Variants in MARCHF3 observed in about 807,000 individuals in gnomAD.
MARCHF3 encodes membrane associated ring-CH-type finger 3.
In MARCHF3, 13 loss-of-function variants were observed where a neutral mutation model predicts 24.2. The observed-to-expected ratio is 0.54, with a 90% CI of 0.35 to 0.85. The LOEUF is 0.85. MARCHF3 is among the 40% of genes least tolerant of loss of function. The probability of loss-of-function intolerance (pLI) is 0.01; values close to 1 mark genes in which losing one functional copy is unlikely to be tolerated. For missense variants in MARCHF3, 276 were observed against 325.0 expected (o/e 0.85, Z 1.16); for synonymous variants, 144 against 137.3 (o/e 1.05, Z -0.34).
intron 1 of MARCHF3, among the ~76,000 whole-genome samples, chr5:126,939,436 C>A (rs1749754182): frequency 6.6e-6 from 1 of 152,234 alleles, no homozygotes; most frequent in Non-Finnish European, 1.5e-5. Flanking sequence ...TTATCCCTTA[C>A]ACCTTCTTAT....
Position 126,892,757 on chromosome 5 carries a change from T to G in MARCHF3, c.394-14363A>C, listed in dbSNP as rs193004595. ...ATATTGGTCTAAAATTCTCTTTTTT[T>G]GTTATGTCTCTGCCTGGCTTTCGTA... On this transcript the variant is annotated intron_variant, in intron 3 of 4. Transcript: ENST00000308660. Among the ~76,000 whole-genome samples the G allele has an allele frequency of 1.3e-3, 198 of 149,726 alleles. 10 individuals carry two copies. Among genetic ancestry groups the G allele is most frequent in the African/African-American group, 4.8e-3 (190 of 39,572 alleles).
chr5:127,008,366 C>T (rs542343509), intron 1 of MARCHF3, among the ~76,000 whole-genome samples: 1 of 152,286 alleles, frequency 6.6e-6, no homozygotes, highest in South Asian at 2.1e-4. Flanking sequence ...ACCAAAAGTT[C>T]ACTGAGAGAC....
At chr5:127,025,863 T>C (rs950857997) in intron 1 of MARCHF3, among the ~76,000 whole-genome samples, 1 of 152,172 alleles carries the variant, frequency 6.6e-6, no homozygotes, top group Admixed American at 6.5e-5. Flanking sequence ...TTAGAGGATA[T>C]TACTAGACCC....
At chr5:126,997,158 T>C (rs1751975127) in intron 1 of MARCHF3, among the ~76,000 whole-genome samples, 1 of 152,226 alleles carries the variant, frequency 6.6e-6, no homozygotes, top group African/African-American at 2.4e-5. Context: ...AGATACCAGA[T>C]GTTAAATTTA....
At chr5:126,922,675 T>G (rs909474044) in intron 1 of MARCHF3, among the ~76,000 whole-genome samples, 2 of 152,208 alleles carry the variant, frequency 1.3e-5, no homozygotes, top group Admixed American at 1.3e-4. Flanking sequence ...GCCTCCCGAA[T>G]AGCTGGGACT....
rs1239936136 is a variant in MARCHF3 at position 126,868,593 on chromosome 5, A to G, written c.*2040T>C. 6.6e-6 allele frequency: 1 copy of G among 152,242 alleles called. No individual in the cohort carries two copies. Among genetic ancestry groups the G allele is most frequent in the East Asian group, 1.9e-4 (1 of 5,200 alleles). The allele number at this position is 152,242 out of a possible 1,614,324, so 9.4% of individuals were successfully genotyped here. The stretch of plus-strand genomic sequence containing the variant: ...AAGATGGCAGGAATTCTCTGCAGCC[A>G]ACCTTGACAGGAAATCATCCTGGAA... On this transcript the variant is annotated 3_prime_UTR_variant, in exon 5 of 5. Transcript: ENST00000308660.
rs578014428 is a variant in MARCHF3, at chr5:126,998,959, A to G, written c.-57+31391T>C. On this transcript the variant is annotated intron_variant, in intron 1 of 4. Transcript: ENST00000308660. Reference sequence around the variant, plus strand: ...TACATGCCACAAGACATTAGGAGGAAAGTATGTGTGCCAAAAATCCAGAGA... The same window carrying G: ...TACATGCCACAAGACATTAGGAGGAGAGTATGTGTGCCAAAAATCCAGAGA... 3.9e-5 allele frequency among the ~76,000 whole-genome samples: 6 copies of G among 152,342 alleles called. No individual in the cohort carries two copies. In the South Asian group the frequency reaches 1.2e-3, roughly 32 times the overall value.
chr5:126,973,945 C>A (rs1317157668), intron 1 of MARCHF3, among the ~76,000 whole-genome samples: 1 of 126,604 alleles, frequency 7.9e-6, no homozygotes, highest in Non-Finnish European at 1.5e-5. Flanking sequence ...GGCCGGACTG[C>A]GGACTGCAGT....
rs944430780 is a variant in MARCHF3, at chr5:126,907,057, G to T, written c.393+7873C>A. On this transcript the variant is annotated intron_variant, in intron 3 of 4. Coordinates refer to ENST00000308660, the MANE Select transcript of MARCHF3 (RefSeq NM_178450.5). ...GGTTTCAAAGAACATCTTTATTTCTGCCTTCATTTCGTTACGTACCCAGTA... is the reference window on the plus strand; with the variant it reads ...GGTTTCAAAGAACATCTTTATTTCTTCCTTCATTTCGTTACGTACCCAGTA... Among the ~76,000 whole-genome samples the T allele has an allele frequency of 8.3e-4, 126 of 151,978 alleles. 3 individuals are homozygous for T. The highest frequency in any genetic ancestry group is 3.0e-3 in the African/African-American group (125 of 41,328).
At chr5:126,979,865 T>C (rs904235173) in intron 1 of MARCHF3, among the ~76,000 whole-genome samples, 4 of 149,868 alleles carry the variant, frequency 2.7e-5, no homozygotes, top group Non-Finnish European at 2.9e-5. Context: ...GGAGAACCGC[T>C]TGAACCCGGG....
At chr5:127,017,974 C>T (rs1436638141) in intron 1 of MARCHF3, among the ~76,000 whole-genome samples, 1 of 152,214 alleles carries the variant, frequency 6.6e-6, no homozygotes, top group Non-Finnish European at 1.5e-5. Flanking sequence ...AACTTATTCA[C>T]TCATTTGTTC....
chr5:127,028,710 A>T lies in MARCHF3; in HGVS notation c.-57+1640T>A, dbSNP rs541317368. 2.4e-3 allele frequency among the ~76,000 whole-genome samples: 365 copies of T among 151,368 alleles called. 2 individuals carry two copies. The highest frequency in any genetic ancestry group is 8.4e-3 in the African/African-American group (345 of 41,208). On this transcript the variant is annotated intron_variant, in intron 1 of 4. Transcript: ENST00000308660. The stretch of plus-strand genomic sequence containing the variant: ...TGACAAGCACCACATTTCTGGAGGG[A>T]TTTTTTTTTCTCTCCTACAAGCTCC...
rs1051620535 is a variant in MARCHF3 at position 126,908,696 on chromosome 5, A to G, written c.393+6234T>C. 5.1e-4 allele frequency among the ~76,000 whole-genome samples: 76 copies of G among 150,068 alleles called. 2 individuals carry two copies. Among genetic ancestry groups the G allele is most frequent in the Non-Finnish European group, 4.4e-5 (3 of 67,926 alleles). ...TCAGCTCCTTTAAGCACTTCTCTGTATTGGTTATTCCTGTTATACATTCTT... is the reference window on the plus strand; with the variant it reads ...TCAGCTCCTTTAAGCACTTCTCTGTGTTGGTTATTCCTGTTATACATTCTT... On this transcript the variant is annotated intron_variant, in intron 3 of 4. Coordinates refer to ENST00000308660, the MANE Select transcript of MARCHF3 (RefSeq NM_178450.5).
At chr5:126,936,450 T>C (rs1323243529) in intron 1 of MARCHF3, among the ~76,000 whole-genome samples, 2 of 152,184 alleles carry the variant, frequency 1.3e-5, no homozygotes. Context: ...GTTTATAACA[T>C]GTTTAATAGC....
chr5:126,949,366 T>C (rs537333757), intron 1 of MARCHF3, among the ~76,000 whole-genome samples: 272 of 152,324 alleles, frequency 1.8e-3, no homozygotes, highest in Admixed American at 3.5e-3. Flanking sequence ...ATAACATTTC[T>C]AGCGGTTCTG....
At chr5:126,933,658 A>G (rs945821082) in intron 1 of MARCHF3, among the ~76,000 whole-genome samples, 3 of 152,034 alleles carry the variant, frequency 2.0e-5, no homozygotes, top group African/African-American at 2.4e-5. Flanking sequence ...GTTAGCCAGG[A>G]TGGTCTTGAT....
intron 1 of MARCHF3, among the ~76,000 whole-genome samples, chr5:126,966,216 C>T (rs1272486394): frequency 6.6e-6 from 1 of 152,088 alleles, no homozygotes; most frequent in Non-Finnish European, 1.5e-5. Context: ...TGCAAAGGGG[C>T]ACAGAATTCT....
At chr5:126,871,212 T>G (rs1183543304) in intron 4 of MARCHF3, among the ~76,000 whole-genome samples, 1 of 152,200 alleles carries the variant, frequency 6.6e-6, no homozygotes, top group Non-Finnish European at 1.5e-5. Flanking sequence ...TAGGGCTTCA[T>G]GAACCTTCCT....
chr5:126,869,520 G>A lies in MARCHF3; in HGVS notation c.*1113C>T, dbSNP rs1380879794. 1 of 149,006 alleles carries A rather than the reference G, an allele frequency of 6.7e-6. No homozygotes were observed. Among genetic ancestry groups the A allele is most frequent in the African/African-American group, 2.5e-5 (1 of 40,008 alleles). The allele number at this position is 149,006 out of a possible 1,614,324, so 9.2% of individuals were successfully genotyped here. A position where few individuals can be genotyped will look rare whatever the true frequency, so the allele number is the denominator to read the frequency against. On this transcript the variant is annotated 3_prime_UTR_variant, in exon 5 of 5. Coordinates refer to ENST00000308660, the MANE Select transcript of MARCHF3 (RefSeq NM_178450.5). Reference sequence around the variant, plus strand: ...ATGGTTGGGGGAAGGCACTGTGTGGGGCTCCTTTTTAAAGAATCAGACAAA... The same window carrying A: ...ATGGTTGGGGGAAGGCACTGTGTGGAGCTCCTTTTTAAAGAATCAGACAAA...
Sources: gnomAD v4.1 joint callset for allele counts (sites outside exome capture counted in the v4.1 genomes callset) on GRCh38, gnomAD v4.1.1 for gene constraint, MANE v1.5 for transcripts, NCBI Gene and HGNC (gene_info 2026-07-23, HGNC 2026-07-21) for gene names.